Variants in RAI14 observed in about 807,000 individuals in gnomAD.
RAI14 encodes the protein retinoic acid induced 14.
In RAI14, 45 loss-of-function variants were observed where a neutral mutation model predicts 115.4. The ratio of observed to expected loss-of-function variants is 0.39; its 90% CI spans 0.31 to 0.50. RAI14 has a LOEUF of 0.50. Ranked by LOEUF, RAI14 falls within the 20% of genes least tolerant of loss-of-function variation. The pLI, the probability that RAI14 is intolerant of heterozygous loss-of-function variation, is 0.85. For missense variants in RAI14, 939 were observed against 1,131.2 expected (o/e 0.83, Z 2.44); for synonymous variants, 371 against 415.4 (o/e 0.89, Z 1.30).
In RAI14 at chr5:34,680,429, A is replaced by G. The variant is rs138325064; in HGVS notation, c.-48-6443A>G. Among the ~76,000 whole-genome samples, 512 of 152,338 alleles carry G rather than the reference A, an allele frequency of 3.4e-3. 3 individuals carry two copies. The highest frequency in any genetic ancestry group is 0.012 in the African/African-American group (489 of 41,570). ...CACTTTTATAATAACGGGCTCTGGCAAGAACTAATTCACTCCCGTAATAAA... is the reference window on the plus strand; with the variant it reads ...CACTTTTATAATAACGGGCTCTGGCGAGAACTAATTCACTCCCGTAATAAA... On this transcript the variant is annotated intron_variant, in intron 1 of 17. Transcript: ENST00000265109.
chr5:34,829,142 CACACATATATAG>C (rs975911882), intron 16 of RAI14, among the ~76,000 whole-genome samples: 1 of 148,416 alleles, frequency 6.7e-6, no homozygotes, highest in Non-Finnish European at 1.5e-5. Context: ...TACATATATA[CACACATATATAG>C]ACACACATAC....
At chr5:34,822,541 G>A (rs1295480851) in intron 14 of RAI14, among the ~76,000 whole-genome samples, 1 of 151,352 alleles carries the variant, frequency 6.6e-6, no homozygotes, top group Non-Finnish European at 1.5e-5. Context: ...TCATGTCCCA[G>A]ACTGTCTTTT....
intron 2 of RAI14, among the ~76,000 whole-genome samples, chr5:34,725,755 C>T (rs1228135843): frequency 6.6e-6 from 1 of 151,698 alleles, no homozygotes; most frequent in Non-Finnish European, 1.5e-5. Context: ...CACTTGAGGT[C>T]AGGAGTTTGA....
At chr5:34,673,353 C>T (rs1031047008) in intron 1 of RAI14, among the ~76,000 whole-genome samples, 1 of 152,172 alleles carries the variant, frequency 6.6e-6, no homozygotes, top group African/African-American at 2.4e-5. Flanking sequence ...AGTGAATAGC[C>T]AAACAAGTGA....
chr5:34,729,071 A>G (rs76037401), intron 2 of RAI14, among the ~76,000 whole-genome samples: 6,688 of 152,328 alleles, frequency 0.044, 470 homozygotes, highest in African/African-American at 0.15. Context: ...GAGTTATTTG[A>G]TAAAGCTAGT....
chr5:34,821,970 A>G (rs1433241696), intron 14 of RAI14, 120 bp downstream of exon 14: 2 of 511,552 alleles, frequency 3.9e-6, no homozygotes, highest in Non-Finnish European at 6.9e-6. Flanking sequence ...ATTAGCTTTA[A>G]GCATCTTATA....
chr5:34,814,707 T>A, intron 12 of RAI14, 38 bp downstream of exon 12: 1 of 1,449,120 alleles, frequency 6.9e-7, no homozygotes, highest in Non-Finnish European at 9.7e-7. Flanking sequence ...TACTGTATTT[T>A]AAGATACATG....
At chr5:34,807,313 C>T (rs1755031726) in intron 5 of RAI14, among the ~76,000 whole-genome samples, 1 of 152,064 alleles carries the variant, frequency 6.6e-6, no homozygotes. Flanking sequence ...AAATGTTTAT[C>T]GTCATTGGAA....
intron 2 of RAI14, among the ~76,000 whole-genome samples, chr5:34,746,254 T>C (rs888794758): frequency 1.3e-4 from 19 of 151,914 alleles, no homozygotes; most frequent in Non-Finnish European, 2.2e-4. Context: ...TACAGGTGCC[T>C]GCCACCATGC....
chr5:34,795,686 T>C (rs1286365244), intron 3 of RAI14, among the ~76,000 whole-genome samples: 1 of 152,148 alleles, frequency 6.6e-6, no homozygotes, highest in Non-Finnish European at 1.5e-5. Context: ...GCCTGGTCTT[T>C]GGGGTTGGAA....
rs533847913 is a variant in RAI14 at position 34,831,081 on chromosome 5, G to A, written c.*316G>A. The A allele has an allele frequency of 2.1e-5, 6 of 291,160 alleles. No individual in the cohort carries two copies. The highest frequency in any genetic ancestry group is 9.5e-5 in the Admixed American group (2 of 21,006). The allele number at this position is 291,160 out of a possible 1,614,324, so 18.0% of individuals were successfully genotyped here. A position where few individuals can be genotyped will look rare whatever the true frequency, so the allele number is the denominator to read the frequency against. On this transcript the variant is annotated 3_prime_UTR_variant, in exon 18 of 18. Coordinates refer to ENST00000265109, the MANE Select transcript of RAI14 (RefSeq NM_015577.3). Reference sequence around the variant, plus strand: ...TCCTCCATCCCTGACTGGCTGAGTGGCTTTATCACCACCGAGTGATGTGCT... The same window carrying A: ...TCCTCCATCCCTGACTGGCTGAGTGACTTTATCACCACCGAGTGATGTGCT...
chr5:34,806,244 G>A (rs1254381587), intron 5 of RAI14, among the ~76,000 whole-genome samples: 1 of 152,200 alleles, frequency 6.6e-6, no homozygotes. Flanking sequence ...GAATGCCAAT[G>A]TGTGGGCCTG....
In RAI14 at chr5:34,732,199, G is replaced by T. The variant is rs970626781; in HGVS notation, c.37-25269G>T. Among the ~76,000 whole-genome samples, 4 of 152,154 alleles carry T rather than the reference G, an allele frequency of 2.6e-5. No homozygotes were observed. The South Asian group carries it at 8.3e-4, about 32-fold the overall frequency. Reference sequence around the variant, plus strand: ...CCTGGGCTCCCTGCTGCCAGGGAAGGTGGTGTTTCTGTTCTGCCATGGGTT... The same window carrying T: ...CCTGGGCTCCCTGCTGCCAGGGAAGTTGGTGTTTCTGTTCTGCCATGGGTT... On this transcript the variant is annotated intron_variant, in intron 2 of 17. Coordinates refer to ENST00000265109, the MANE Select transcript of RAI14 (RefSeq NM_015577.3).
chr5:34,705,325 C>T (rs1407083574), intron 2 of RAI14, among the ~76,000 whole-genome samples: 2 of 151,928 alleles, frequency 1.3e-5, no homozygotes, highest in East Asian at 1.9e-4. Flanking sequence ...TAAAATATCC[C>T]AATAAGAGTT....
chr5:34,694,150 T>G (rs1738955112), intron 2 of RAI14, among the ~76,000 whole-genome samples: 1 of 152,164 alleles, frequency 6.6e-6, no homozygotes, highest in Non-Finnish European at 1.5e-5. Flanking sequence ...TGGGGAAATC[T>G]CCTAGTCTAC....
intron 1 of RAI14, among the ~76,000 whole-genome samples, chr5:34,681,223 G>T (rs370986546): frequency 6.6e-6 from 1 of 152,162 alleles, no homozygotes; most frequent in Non-Finnish European, 1.5e-5. Context: ...ATATAGCTTT[G>T]GTTAAAATTC....
chr5:34,660,223 A>G (rs953656985), intron 1 of RAI14, among the ~76,000 whole-genome samples: 1 of 152,144 alleles, frequency 6.6e-6, no homozygotes, highest in African/African-American at 2.4e-5. Flanking sequence ...ACCTGAGGTC[A>G]GGAGTTCGAG....
At chr5:34,735,951 C>G (rs1272491455) in intron 2 of RAI14, among the ~76,000 whole-genome samples, 1 of 152,244 alleles carries the variant, frequency 6.6e-6, no homozygotes, top group East Asian at 1.9e-4. Flanking sequence ...TACAAGTGAT[C>G]ATGACAAAAT....
rs755781930 is a variant in RAI14 at position 34,807,862 on chromosome 5, C to G, written c.379+5C>G. On this transcript the variant is annotated splice_donor_5th_base_variant and intron_variant, in intron 6 of 17. Transcript: ENST00000265109. ...AAACAGCTTTACATTATGCAGGTAA[C>G]TTTCATTCTCCTATTTGTCTTCTTC... The G allele has an allele frequency of 5.0e-6, 8 of 1,607,632 alleles. No individual in the cohort carries two copies. Among genetic ancestry groups the G allele is most frequent in the Non-Finnish European group, 5.1e-6 (6 of 1,174,098 alleles).
Sources: gnomAD v4.1 joint callset for allele counts (sites outside exome capture counted in the v4.1 genomes callset) on GRCh38, gnomAD v4.1.1 for gene constraint, MANE v1.5 for transcripts, NCBI Gene and HGNC (gene_info 2026-07-23, HGNC 2026-07-21) for gene names.